Variants in RICTOR observed in about 807,000 individuals in gnomAD.
The protein encoded by RICTOR is rapamycin-insensitive companion of mTOR.
In RICTOR, 49 loss-of-function variants were observed where a neutral mutation model predicts 214.9. The observed-to-expected ratio is 0.23, with a 90% CI of 0.18 to 0.29. The LOEUF (loss-of-function observed/expected upper bound fraction) is 0.29. RICTOR is among the 10% of genes least tolerant of loss of function. The probability of loss-of-function intolerance (pLI) is 1.00; values close to 1 mark genes in which losing one functional copy is unlikely to be tolerated. For synonymous variants in RICTOR, 717 were observed against 711.3 expected, an observed-to-expected ratio of 1.01 and a Z score of -0.13; for missense variants, 1,625 against 2,047.0, an observed-to-expected ratio of 0.79 and a Z score of 3.98.
At chr5:39,037,011 T>C (rs923051974) in intron 2 of RICTOR, among the ~76,000 whole-genome samples, 4 of 152,072 alleles carry the variant, frequency 2.6e-5, no homozygotes, top group African/African-American at 4.8e-5. Context: ...CAACAGAATA[T>C]ACATTCTTTT....
chr5:38,949,392 C>T, intron 31 of RICTOR: 1 of 1,592,134 alleles, frequency 6.3e-7, no homozygotes, highest in South Asian at 1.1e-5. Flanking sequence ...TCTTAAGCTC[C>T]TGATTCCCCC....
At chr5:39,039,177 C>A (rs1476796872) in intron 2 of RICTOR, among the ~76,000 whole-genome samples, 1 of 152,168 alleles carries the variant, frequency 6.6e-6, no homozygotes, top group Non-Finnish European at 1.5e-5. Context: ...CTACAATTAT[C>A]TGATCTTTGA....
In RICTOR at chr5:38,957,740, A is replaced by G. The variant is rs772066002; in HGVS notation, c.2421-10T>C. ...TGGAATGGAGAGAAATCTGCAAATT[A>G]AAACAAGCAATAGTTTAACATTGAG... On this transcript the variant is annotated splice_polypyrimidine_tract_variant and intron_variant, in intron 24 of 37. Transcript: ENST00000357387. 2 of 1,474,124 alleles carry G rather than the reference A, an allele frequency of 1.4e-6. No homozygotes were observed. The highest frequency in any genetic ancestry group is 2.4e-5 in the South Asian group (2 of 83,980). 91.3% of individuals were successfully genotyped at this position (1,474,124 alleles called of 1,614,324 possible).
At chr5:38,989,556 G>A (rs562310382) in intron 7 of RICTOR, among the ~76,000 whole-genome samples, 10 of 152,150 alleles carry the variant, frequency 6.6e-5, no homozygotes, top group South Asian at 2.1e-4. Context: ...TATCATCAGC[G>A]TCAACAGGCA....
intron 5 of RICTOR, among the ~76,000 whole-genome samples, chr5:39,000,004 A>C (rs1337908936): frequency 2.0e-5 from 3 of 152,008 alleles, no homozygotes; most frequent in African/African-American, 7.2e-5. Flanking sequence ...TCATAAAAGA[A>C]GTATTACTAG....
chr5:38,963,572 T>A (rs2150025646), intron 16 of RICTOR, among the ~76,000 whole-genome samples: 1 of 152,122 alleles, frequency 6.6e-6, no homozygotes, highest in African/African-American at 2.4e-5. Context: ...CAAGTGCCAC[T>A]TTCAAGAATT....
chr5:39,005,466 T>A (rs1352270554), intron 3 of RICTOR, among the ~76,000 whole-genome samples: 2 of 152,190 alleles, frequency 1.3e-5, no homozygotes, highest in Non-Finnish European at 2.9e-5. Context: ...AGATACTGTA[T>A]TATTCCCTTC....
In RICTOR at chr5:38,959,209, T is replaced by C; in HGVS notation, c.2164A>G (p.Thr722Ala). ...LARVILSKIL[T>A]AATDACRLYA... ...GTTATACTCACATCAGTAGCTGCAG[T>C]TAAAATTTTGGAAAGGATGACTCTA... The change falls in exon 22 of 38, where the codon ACT (threonine) becomes GCT (alanine). Residue 722 changes from threonine to alanine, a missense_variant. Coordinates refer to ENST00000357387, the MANE Select transcript of RICTOR (RefSeq NM_152756.5). 6.3e-7 allele frequency: 1 copy of C among 1,594,098 alleles called. No homozygotes were observed.
intron 14 of RICTOR, 68 bp downstream of exon 14, chr5:38,967,093 A>G (rs2150031997): frequency 8.2e-7 from 1 of 1,223,730 alleles, no homozygotes. Flanking sequence ...GAGTCACCAC[A>G]CCTGGCATGA....
At chr5:39,024,952 AAAC>A (rs1187195932) in intron 2 of RICTOR, among the ~76,000 whole-genome samples, 1 of 152,240 alleles carries the variant, frequency 6.6e-6, no homozygotes, top group African/African-American at 2.4e-5. Flanking sequence ...ATATAGCAAT[AAAC>A]AAGACAACTC....
chr5:38,949,356 C>A, intron 31 of RICTOR: 1 of 1,561,074 alleles, frequency 6.4e-7, no homozygotes, highest in South Asian at 1.2e-5. Context: ...ATTGACCTAC[C>A]TGAAAAGGTT....
At position 38,962,579 on chromosome 5, in the gene RICTOR, T is replaced by C; in HGVS notation, c.1574A>G (p.Glu525Gly). ...QKDIFILKDT[E>G]EALLINLRDS... is the part of the protein sequence containing the mutation. ...TCTAAGGTTAATTAAAAGAGCTTCC[T>C]CTGTATCCTAAAATCATCAGAAAGT... is the stretch of plus-strand genomic sequence containing the variant. The change falls in exon 18 of 38, where the codon GAG becomes GGG. Residue 525 changes from glutamate (E) to glycine (G), a missense_variant. Coordinates refer to ENST00000357387, the MANE Select transcript of RICTOR (RefSeq NM_152756.5). The C allele has an allele frequency of 2.0e-6, 3 of 1,509,428 alleles. No homozygotes were observed. Among genetic ancestry groups the C allele is most frequent in the Non-Finnish European group, 2.7e-6 (3 of 1,104,724 alleles). 93.5% of individuals were successfully genotyped at this position (1,509,428 alleles called of 1,614,324 possible).
chr5:38,999,737 C>T, intron 5 of RICTOR, among the ~76,000 whole-genome samples: 1 of 151,878 alleles, frequency 6.6e-6, no homozygotes, highest in Admixed American at 6.6e-5. Flanking sequence ...CTCATAAATA[C>T]ACACAAATAA....
At chr5:39,070,881 TTAA>T (rs1449799077) in intron 2 of RICTOR, among the ~76,000 whole-genome samples, 29 of 152,330 alleles carry the variant, frequency 1.9e-4, no homozygotes, top group African/African-American at 7.0e-4. Context: ...CAGACAGTAT[TTAA>T]TAATATCATT....
chr5:39,064,765 T>C (rs554231945), intron 2 of RICTOR, among the ~76,000 whole-genome samples: 11 of 152,370 alleles, frequency 7.2e-5, no homozygotes, highest in African/African-American at 2.6e-4. Flanking sequence ...TCATTATTGT[T>C]TGTGGGACTA....
chr5:38,999,027 CAAAAAAAAAAAA>C (rs1186312478), intron 5 of RICTOR, among the ~76,000 whole-genome samples: 1 of 25,342 alleles, frequency 3.9e-5, no homozygotes, highest in African/African-American at 1.6e-4. Context: ...AACAAACAGG[CAAAAAAAAAAAA>C]AAAAAAAAAA....
chr5:38,995,124 T>C (rs1338264627), intron 6 of RICTOR, among the ~76,000 whole-genome samples: 1 of 152,218 alleles, frequency 6.6e-6, no homozygotes, highest in Non-Finnish European at 1.5e-5. Flanking sequence ...AATAGCCCTC[T>C]TCTCATTAAT....
rs771774303 is a variant in RICTOR at position 38,967,171 on chromosome 5, C to T, written c.1208G>A (p.Gly403Glu). 6.2e-7 allele frequency: 1 copy of T among 1,606,366 alleles called. No homozygotes were observed. Among genetic ancestry groups the T allele is most frequent in the South Asian group, 1.1e-5 (1 of 90,870 alleles). ...GTTTATAAGTCTTACCTCTAAAAGT[C>T]CATTACGAATAAATGCAGAGAGTAT... ...ALILSAFIRN[G>E]LLEGLVEVIT... The change falls in exon 14 of 38, where the codon GGA becomes GAA. Residue 403 changes from glycine to glutamate, a missense_variant. Gly to Glu is a moderately conservative substitution (Grantham distance 98). Around this residue, in one of 5 missense-constraint regions of RICTOR, gnomAD observed 1,214 missense variants for 1,470.5 expected, o/e 0.83. Coordinates refer to ENST00000357387, the MANE Select transcript of RICTOR (RefSeq NM_152756.5).
chr5:38,990,807 TGA>T (rs1163720706), intron 7 of RICTOR, 140 bp downstream of exon 7: 569 of 118,980 alleles, frequency 4.8e-3, no homozygotes, highest in East Asian at 0.043. Flanking sequence ...ATGATATATA[TGA>T]GATATATGAG....
Sources: gnomAD v4.1 joint callset for allele counts (sites outside exome capture counted in the v4.1 genomes callset) on GRCh38, gnomAD v4.1.1 for gene constraint, gnomAD v4.1.1 regional missense constraint, MANE v1.5 for transcripts, NCBI Gene and HGNC (gene_info 2026-07-23, HGNC 2026-07-21) for gene names.